GANC: variants seen among roughly 807,000 people sequenced by gnomAD.
The protein encoded by GANC is neutral alpha-glucosidase C.
GANC carries 117 observed loss-of-function variants against 124.2 expected under a neutral mutation model. The ratio of observed to expected loss-of-function variants is 0.94; its 90% confidence interval spans 0.81 to 1.10. The LOEUF (loss-of-function observed/expected upper bound fraction) is 1.10. Among genes scored for constraint, GANC ranks in the 50% least tolerant of loss-of-function variants. GANC has a pLI of 0.00. For missense variants in GANC, 1,140 were observed against 1,095.0 expected, an observed-to-expected ratio of 1.04 and a Z score of -0.58; for synonymous variants, 377 against 376.8, an observed-to-expected ratio of 1.00 and a Z score of -0.01.
chr15:42,345,636 G>C, intron 19 of GANC, 122 bp from the exon 20 acceptor site: 1 of 604,516 alleles, frequency 1.7e-6, no homozygotes, highest in South Asian at 2.3e-5. Flanking sequence ...TATTTTTTAA[G>C]TTATATTTAT....
At chr15:42,284,140 A>T (rs1399492192) in intron 3 of GANC, 2 of 610,034 alleles carry the variant, frequency 3.3e-6, no homozygotes, top group Non-Finnish European at 5.8e-6. Context: ...GAAAAGCAAG[A>T]TCAACCTACC....
At chr15:42,300,394 A>T (rs1157221838) in intron 6 of GANC, among the ~76,000 whole-genome samples, 3 of 152,198 alleles carry the variant, frequency 2.0e-5, no homozygotes, top group African/African-American at 7.2e-5. Context: ...AATCAAAACC[A>T]CAATGAGATA....
At chr15:42,309,854 A>G (rs2052034089) in intron 8 of GANC, among the ~76,000 whole-genome samples, 1 of 151,768 alleles carries the variant, frequency 6.6e-6, no homozygotes, top group African/African-American at 2.4e-5. Context: ...CCGCATCTCT[A>G]CCAAAAAATA....
In GANC at chr15:42,330,604, A is replaced by G; in HGVS notation, c.1673A>G (p.Lys558Arg). 1 of 1,611,698 alleles carries G rather than the reference A, an allele frequency of 6.2e-7. No individual in the cohort carries two copies. The highest frequency in any genetic ancestry group is 8.5e-7 in the Non-Finnish European group (1 of 1,179,370). ...ATGGCTACTGCAGAAGGACTGATAAAACGATCTAAAGGGAAGGAGAGACCC... is the reference window on the plus strand; with the variant it reads ...ATGGCTACTGCAGAAGGACTGATAAGACGATCTAAAGGGAAGGAGAGACCC... Reference protein sequence around the residue: ...HQMATAEGLIKRSKGKERPFV... With the variant: ...HQMATAEGLIRRSKGKERPFV... The change falls in exon 15 of 24, where the codon AAA becomes AGA. Residue 558 changes from lysine (K) to arginine (R), a missense_variant. Lys to Arg is a conservative substitution (Grantham distance 26). Coordinates refer to ENST00000318010, the MANE Select transcript of GANC (RefSeq NM_198141.3).
intron 15 of GANC, among the ~76,000 whole-genome samples, chr15:42,333,594 G>A (rs2052262793): frequency 6.6e-6 from 1 of 152,052 alleles, no homozygotes; most frequent in African/African-American, 2.4e-5. Flanking sequence ...CTCAAATCCT[G>A]CCTCTACCAC....
chr15:42,308,251 T>A lies in GANC; in HGVS notation c.655T>A (p.Leu219Met). 6.2e-7 allele frequency: 1 copy of A among 1,609,366 alleles called. No homozygotes were observed. Among genetic ancestry groups the A allele is most frequent in the Non-Finnish European group, 8.5e-7 (1 of 1,176,458 alleles). Reference sequence around the variant, plus strand: ...TTCTTCTATTGGTTTGGATTTCTCCTTGCATGGATTTGAGCATCTTTATGG... The same window carrying A: ...TTCTTCTATTGGTTTGGATTTCTCCATGCATGGATTTGAGCATCTTTATGG... ...GPSSIGLDFS[L>M]HGFEHLYGIP... Residue 219 changes from leucine to methionine, a missense_variant, in exon 8 of 24, where the codon TTG becomes ATG. Coordinates refer to ENST00000318010, the MANE Select transcript of GANC (RefSeq NM_198141.3).
Position 42,353,585 on chromosome 15 carries a change from A to G in GANC, c.*1446A>G, listed in dbSNP as rs2052479586. On this transcript the variant is annotated 3_prime_UTR_variant, in exon 24 of 24. Coordinates refer to ENST00000318010, the MANE Select transcript of GANC (RefSeq NM_198141.3). ...TTTCTCTTCTGTCTGACAGAGCACT[A>G]TTATACCTGACTTTCAGTAACTGTT... 3 of 985,660 alleles carry G rather than the reference A, an allele frequency of 3.0e-6. No individual in the cohort carries two copies. The highest frequency in any genetic ancestry group is 5.2e-4 in the Middle Eastern group (1 of 1,914). 61.1% of individuals were successfully genotyped at this position (985,660 alleles called of 1,614,324 possible).
Position 42,349,468 on chromosome 15 carries a change from C to G in GANC, c.2504C>G (p.Ser835Ter), listed in dbSNP as rs1349494247. The change falls in exon 22 of 24, where the codon TCA becomes TGA. Residue 835 changes from serine to a stop codon, truncating the protein, a stop_gained. Coordinates refer to ENST00000318010, the MANE Select transcript of GANC (RefSeq NM_198141.3). LOFTEE classifies it high-confidence loss of function. ...HQKQFLHRKF[S>*]FCSSVLINSF... Reference sequence around the variant, plus strand: ...AAGCAATTTTTGCACAGGAAGTTTTCATTCTGTTCCAGTGTTCTGATCAAT... The same window carrying G: ...AAGCAATTTTTGCACAGGAAGTTTTGATTCTGTTCCAGTGTTCTGATCAAT... The G allele has an allele frequency of 6.2e-7, 1 of 1,610,846 alleles. No individual in the cohort carries two copies. Among genetic ancestry groups the G allele is most frequent in the Non-Finnish European group, 8.5e-7 (1 of 1,177,080 alleles).
rs772899823 is a variant in GANC, at chr15:42,343,063, C to T, written c.2153-15C>T. ...TTATAATGATACTCAACTTTATTTC[C>T]TCTCCATTACTTAGGGAGTGCATTA... On this transcript the variant is annotated splice_polypyrimidine_tract_variant and intron_variant, in intron 18 of 23. Coordinates refer to ENST00000318010, the MANE Select transcript of GANC (RefSeq NM_198141.3). 1.2e-6 allele frequency: 2 copies of T among 1,607,572 alleles called. No homozygotes were observed. Among genetic ancestry groups the T allele is most frequent in the African/African-American group, 2.7e-5 (2 of 74,766 alleles).
intron 5 of GANC, 33 bp from the exon 6 acceptor site, chr15:42,297,578 T>C: frequency 1.3e-6 from 2 of 1,583,796 alleles, no homozygotes; most frequent in Non-Finnish European, 1.7e-6. Context: ...AGTCTTGCCA[T>C]TGAGTGAAAC....
rs1261680680 is a variant in GANC, at chr15:42,274,163, T to C, written c.-319T>C. ...TTCTTAACGCTCTTGATTTTTACCC[T>C]CTAGGACTCATTGCGTACACGCCCT... On this transcript the variant is annotated 5_prime_UTR_variant, in exon 1 of 24. Transcript: ENST00000318010. 2.7e-6 allele frequency: 1 copy of C among 370,290 alleles called. No individual in the cohort carries two copies. The highest frequency in any genetic ancestry group is 2.2e-5 in the African/African-American group (1 of 46,466). 22.9% of individuals were successfully genotyped at this position (370,290 alleles called of 1,614,324 possible). A position where few individuals can be genotyped will look rare whatever the true frequency, so the allele number is the denominator to read the frequency against.
At chr15:42,333,815 C>T (rs543210603) in intron 15 of GANC, among the ~76,000 whole-genome samples, 1 of 152,240 alleles carries the variant, frequency 6.6e-6, no homozygotes, top group African/African-American at 2.4e-5. Context: ...TTATGTCTCC[C>T]CTTTAAGGCC....
intron 10 of GANC, among the ~76,000 whole-genome samples, chr15:42,321,297 A>C (rs1024694087): frequency 6.6e-6 from 1 of 152,130 alleles, no homozygotes; most frequent in African/African-American, 2.4e-5. Flanking sequence ...GACCCTATTC[A>C]GTTTCATCTT....
rs765692224 is a variant in GANC, at chr15:42,309,322, A to AT, written c.723-946dup. 8.3e-3 allele frequency among the ~76,000 whole-genome samples: 1,181 copies of AT among 142,844 alleles called. 11 individuals carry two copies. Among genetic ancestry groups the AT allele is most frequent in the African/African-American group, 0.024 (937 of 39,040 alleles). The allele number at this position is 142,844 out of a possible 152,430, so 93.7% of individuals were successfully genotyped here. ...GCACTGTGGAAGCCTGTTGGACACA[A>AT]TTTTTTTTTTTTTTTGAGACAGAGT... On this transcript the variant is annotated intron_variant, in intron 8 of 23. Transcript: ENST00000318010.
chr15:42,287,167 A>G (rs1292444103), intron 3 of GANC, among the ~76,000 whole-genome samples: 1 of 152,130 alleles, frequency 6.6e-6, no homozygotes, highest in East Asian at 1.9e-4. Context: ...TTCCAGTTTG[A>G]TTTTAGTGCA....
chr15:42,343,851 G>C (rs1170820706), intron 19 of GANC, among the ~76,000 whole-genome samples: 8 of 152,280 alleles, frequency 5.3e-5, no homozygotes, highest in Non-Finnish European at 2.9e-5. Flanking sequence ...CAGGTCACCA[G>C]ACTAAGGGAG....
rs149559769 is a variant in GANC, at chr15:42,297,750, G to A, written c.558+94G>A. 1.8e-4 allele frequency: 156 copies of A among 851,584 alleles called. 1 individual carries two copies. The East Asian group carries it at 4.3e-3, about 24-fold the overall frequency. The allele number at this position is 851,584 out of a possible 1,614,324, so 52.8% of individuals were successfully genotyped here. A position where few individuals can be genotyped will look rare whatever the true frequency, so the allele number is the denominator to read the frequency against. ...TTCTCTTTCTTCCTTCTACAGAAGG[G>A]TGCTTGTTAAATGATCGACTGCATA... On this transcript the variant is annotated intron_variant, in intron 6 of 23. Transcript: ENST00000318010.
At chr15:42,334,001 A>G (rs1207820700) in intron 15 of GANC, among the ~76,000 whole-genome samples, 1 of 152,186 alleles carries the variant, frequency 6.6e-6, no homozygotes. Context: ...AGAAATTACA[A>G]TTTCTTTTCA....
At chr15:42,283,231 A>G (rs1173292599) in intron 3 of GANC, among the ~76,000 whole-genome samples, 3 of 152,236 alleles carry the variant, frequency 2.0e-5, no homozygotes, top group Non-Finnish European at 2.9e-5. Flanking sequence ...GTTCAGATGC[A>G]TAAGTTTTCT....
Sources: allele counts gnomAD v4.1 joint callset (sites outside exome capture counted in the v4.1 genomes callset), GRCh38; gene constraint gnomAD v4.1.1; transcripts MANE v1.5; gene names NCBI Gene and HGNC (gene_info 2026-07-23, HGNC 2026-07-21).